The following MTNR1A variants were observed in gnomAD, a reference collection of about 807,000 sequenced individuals.
MTNR1A encodes melatonin receptor 1A, also known as melatonin receptor type 1A.
MTNR1A carries 7 observed loss-of-function variants against 5.5 expected under a neutral mutation model. The observed-to-expected ratio is 1.28, with a 90% CI of 0.73 to 2.40. MTNR1A has a LOEUF of 2.40. Among genes scored for constraint, MTNR1A ranks in the 30% most tolerant of loss-of-function variants. The pLI is 0.00. For synonymous variants in MTNR1A, 196 were observed against 202.7 expected (o/e 0.97, Z 0.28); for missense variants, 441 against 464.4 (o/e 0.95, Z 0.46).
chr4:186,553,811 C>A (rs535658864), intron 1 of MTNR1A, among the ~76,000 whole-genome samples: 1 of 152,338 alleles, frequency 6.6e-6, no homozygotes, highest in Admixed American at 6.5e-5. Context: ...CGCGCCCAGC[C>A]GTGAACACTT....
rs1211637399 is a variant in MTNR1A at position 186,533,713 on chromosome 4, A to G, written c.1029T>C (p.Asn343=). 1.2e-6 allele frequency: 2 copies of G among 1,614,120 alleles called. No homozygotes were observed. The highest frequency in any genetic ancestry group is 1.7e-4 in the Middle Eastern group (1 of 6,046). The change falls in exon 2 of 2, where the codon AAT becomes AAC. Residue 343 remains asparagine, a synonymous_variant. Coordinates refer to ENST00000307161, the MANE Select transcript of MTNR1A (RefSeq NM_005958.4). Reference sequence around the variant, plus strand: ...TTTAAACGGAGTCCACCTTTACTACATTATTGTTGGTCATCAGTGGAGACG... The same window carrying G: ...TTTAAACGGAGTCCACCTTTACTACGTTATTGTTGGTCATCAGTGGAGACG... ...WKPSPLMTNN[N]VVKVDSV
chr4:186,536,424 G>T (rs1324138392), intron 1 of MTNR1A, among the ~76,000 whole-genome samples: 1 of 152,126 alleles, frequency 6.6e-6, no homozygotes, highest in African/African-American at 2.4e-5. Flanking sequence ...CAGACCAGAA[G>T]CTGTGAGGAA....
At chr4:186,546,625 A>C (rs2111381790) in intron 1 of MTNR1A, among the ~76,000 whole-genome samples, 1 of 146,042 alleles carries the variant, frequency 6.8e-6, no homozygotes, top group Admixed American at 6.7e-5. Flanking sequence ...TCATACAACA[A>C]CACACCATCC....
At chr4:186,541,398 A>T (rs1333391997) in intron 1 of MTNR1A, among the ~76,000 whole-genome samples, 2 of 151,490 alleles carry the variant, frequency 1.3e-5, no homozygotes, top group Non-Finnish European at 2.9e-5. Flanking sequence ...GGGGTCCCCA[A>T]CCTGATGGGG....
intron 1 of MTNR1A, among the ~76,000 whole-genome samples, chr4:186,546,413 C>T (rs1210815857): frequency 2.0e-5 from 3 of 152,010 alleles, no homozygotes; most frequent in Non-Finnish European, 2.9e-5. Context: ...AGTGCATCAC[C>T]CCGCAATGCC....
At chr4:186,545,132 A>G (rs563179307) in intron 1 of MTNR1A, among the ~76,000 whole-genome samples, 16 of 152,166 alleles carry the variant, frequency 1.1e-4, no homozygotes, top group Non-Finnish European at 1.0e-4. Flanking sequence ...ACGAGTACCA[A>G]GCCTCTGTCT....
rs1377216819 is a variant in MTNR1A, at chr4:186,534,077, T to C, written c.665A>G (p.Lys222Arg). 1 of 1,614,122 alleles carries C rather than the reference T, an allele frequency of 6.2e-7. No homozygotes were observed. Among genetic ancestry groups the C allele is most frequent in the Non-Finnish European group, 8.5e-7 (1 of 1,180,042 alleles). Reference protein sequence around the residue: ...ILVLQVRQRVKPDRKPKLKPQ... With the variant: ...ILVLQVRQRVRPDRKPKLKPQ... ...TTTCAGTTTGGGTTTGCGGTCAGGT[T>C]TCACCCTCTGTCTGACCTGGAGAAC... Residue 222 changes from lysine (K) to arginine (R), a missense_variant, in exon 2 of 2, where the codon AAA (lysine) becomes AGA (arginine). Coordinates refer to ENST00000307161, the MANE Select transcript of MTNR1A (RefSeq NM_005958.4).
Position 186,534,418 on chromosome 4 carries a change from G to A in MTNR1A, c.324C>T (p.Gly108=). The change falls in exon 2 of 2, where the codon GGC becomes GGT. Residue 108 remains glycine (G), a synonymous_variant. Coordinates refer to ENST00000307161, the MANE Select transcript of MTNR1A (RefSeq NM_005958.4). ...TGAATATGGAGCCGATGACGCTCAGGCCCATCAGGAACCCACTGACTTGGC... is the reference window on the plus strand; with the variant it reads ...TGAATATGGAGCCGATGACGCTCAGACCCATCAGGAACCCACTGACTTGGC... ...LHCQVSGFLM[G]LSVIGSIFNI... 7 of 1,614,110 alleles carry A rather than the reference G, an allele frequency of 4.3e-6. No homozygotes were observed. The highest frequency in any genetic ancestry group is 5.9e-6 in the Non-Finnish European group (7 of 1,180,036).
intron 1 of MTNR1A, among the ~76,000 whole-genome samples, chr4:186,540,973 C>T (rs973561334): frequency 1.3e-5 from 2 of 151,958 alleles, no homozygotes; most frequent in Non-Finnish European, 2.9e-5. Context: ...AAACAGAAGC[C>T]GCACATCCAA....
chr4:186,538,594 C>A (rs188760387), intron 1 of MTNR1A, among the ~76,000 whole-genome samples: 1 of 152,160 alleles, frequency 6.6e-6, no homozygotes, highest in African/African-American at 2.4e-5. Context: ...GCTTCCCCTG[C>A]GTCCCCTCCT....
At chr4:186,554,779 T>G (rs1451131081) in intron 1 of MTNR1A, among the ~76,000 whole-genome samples, 1 of 152,232 alleles carries the variant, frequency 6.6e-6, no homozygotes, top group African/African-American at 2.4e-5. Context: ...TTTTGCCAGC[T>G]TCTATGTTTC....
intron 1 of MTNR1A, among the ~76,000 whole-genome samples, chr4:186,552,550 C>T (rs531166840): frequency 2.0e-5 from 3 of 152,302 alleles, no homozygotes; most frequent in African/African-American, 7.2e-5. Flanking sequence ...GCAAACAGAG[C>T]ACGCCCTTGT....
intron 1 of MTNR1A, among the ~76,000 whole-genome samples, chr4:186,553,121 C>T (rs951716184): frequency 2.0e-5 from 3 of 152,216 alleles, no homozygotes; most frequent in African/African-American, 7.2e-5. Flanking sequence ...TTCTTCCATT[C>T]TCTTCTTCCC....
chr4:186,547,347 T>C (rs1235278998), intron 1 of MTNR1A, among the ~76,000 whole-genome samples: 33 of 75,436 alleles, frequency 4.4e-4, no homozygotes, highest in Non-Finnish European at 5.1e-4. Flanking sequence ...ACCGTCCTCC[T>C]CACACCCTGT....
intron 1 of MTNR1A, among the ~76,000 whole-genome samples, chr4:186,549,475 T>C (rs1737224433): frequency 6.6e-6 from 1 of 152,182 alleles, no homozygotes; most frequent in African/African-American, 2.4e-5. Context: ...TCTGCTGCTA[T>C]TTCACATGTG....
Position 186,555,325 on chromosome 4 carries a change from G to A in MTNR1A, c.41C>T (p.Pro14Leu). ...CCGCGCGCCGTCCCCGCGGAGCACG[G>A]GCTGGGAGGCGTTGGGCAGCGCGCT... ...NGSALPNASQ[P>L]VLRGDGARPS... The change falls in exon 1 of 2, where the codon CCC (proline) becomes CTC (leucine). Residue 14 changes from proline (P) to leucine (L), a missense_variant. Transcript: ENST00000307161. This position sits in a 1 kb window ranked among gnomAD's most constrained non-coding sequence, Gnocchi z 4.1. 3.2e-6 allele frequency: 5 copies of A among 1,545,458 alleles called. No homozygotes were observed. The highest frequency in any genetic ancestry group is 4.4e-6 in the Non-Finnish European group (5 of 1,145,078).
At chr4:186,549,456 C>T (rs1211110821) in intron 1 of MTNR1A, among the ~76,000 whole-genome samples, 2 of 152,144 alleles carry the variant, frequency 1.3e-5, no homozygotes, top group East Asian at 3.9e-4. Flanking sequence ...CTCACTAATT[C>T]CGTCTCAATC....
At chr4:186,534,586 T>G in intron 1 of MTNR1A, 29 bp from the exon 2 acceptor site, 1 of 1,603,362 alleles carries the variant, frequency 6.2e-7, no homozygotes, top group Non-Finnish European at 8.5e-7. Flanking sequence ...GAAAATACAG[T>G]GAATACCAGT....
intron 1 of MTNR1A, among the ~76,000 whole-genome samples, chr4:186,553,378 G>A (rs539615983): frequency 6.6e-6 from 1 of 152,328 alleles, no homozygotes; most frequent in South Asian, 2.1e-4. Context: ...GGTCTCCCAT[G>A]CAGCTACAGG....
Sources: gnomAD v4.1 joint callset for allele counts (sites outside exome capture counted in the v4.1 genomes callset) on GRCh38, gnomAD v4.1.1 for gene constraint, Gnocchi (gnomAD v3.1) non-coding constraint, MANE v1.5 for transcripts, NCBI Gene and HGNC (gene_info 2026-07-23, HGNC 2026-07-21) for gene names.